Variants in SRCIN1 observed in about 807,000 individuals in gnomAD.
The protein encoded by SRCIN1 is P130Cas-associated protein.
In SRCIN1, 50 loss-of-function variants were observed where a neutral mutation model predicts 116.2. That is an observed-to-expected ratio of 0.43 (90% CI 0.34 to 0.54). The LOEUF is 0.54. Ranked by LOEUF, SRCIN1 falls within the 20% of genes least tolerant of loss-of-function variation. SRCIN1 has a pLI of 0.02. For synonymous variants in SRCIN1, 736 were observed against 750.0 expected (o/e 0.98, Z 0.30); for missense variants, 1,446 against 1,672.0 (o/e 0.86, Z 2.36).
intron 1 of SRCIN1, 109 bp from the exon 2 acceptor site, chr17:38,578,900 G>T: frequency 7.9e-7 from 1 of 1,268,050 alleles, no homozygotes; most frequent in Non-Finnish European, 1.0e-6. Flanking sequence ...CCTAAGGAGA[G>T]TGGAGAGGCG....
rs1014804043 is a variant in SRCIN1 at position 38,549,264 on chromosome 17, C to T, written c.2963-54G>A. 20 of 1,456,998 alleles carry T rather than the reference C, an allele frequency of 1.4e-5. No homozygotes were observed. The African/African-American group carries it at 2.4e-4, about 18-fold the overall frequency. 90.3% of individuals were successfully genotyped at this position (1,456,998 alleles called of 1,614,324 possible). ...CAGGCCTGCAACCTTGGAGTCAGTG[C>T]ACTACATCTAACTTGAAGGGGATAA... is the stretch of plus-strand genomic sequence containing the variant. On this transcript the variant is annotated intron_variant, in intron 15 of 18. Transcript: ENST00000617146.
At chr17:38,606,191 C>T (rs1463684803), upstream of SRCIN1, among the ~76,000 whole-genome samples, 1 of 151,748 alleles carries the variant, frequency 6.6e-6, no homozygotes, top group Non-Finnish European at 1.5e-5. This position sits in a 1 kb window ranked among gnomAD's most constrained non-coding sequence, Gnocchi z 5.2. Flanking sequence ...TCGTCCCACC[C>T]CAAGTAGTCT....
chr17:38,586,131 G>A (rs1908099857), intron 1 of SRCIN1, among the ~76,000 whole-genome samples: 1 of 152,216 alleles, frequency 6.6e-6, no homozygotes, highest in Admixed American at 6.5e-5. Context: ...GAGATGGCTA[G>A]AAAATAAAGA....
intron 1 of SRCIN1, among the ~76,000 whole-genome samples, chr17:38,582,841 C>G (rs1907898560): frequency 6.6e-6 from 1 of 152,102 alleles, no homozygotes; most frequent in East Asian, 1.9e-4. Context: ...TTCTGCAGGG[C>G]CCCAGCTGAG....
At chr17:38,549,327 G>A in intron 15 of SRCIN1, 117 bp from the exon 16 acceptor site, 1 of 1,059,954 alleles carries the variant, frequency 9.4e-7, no homozygotes, top group Non-Finnish European at 1.3e-6. Context: ...AGGAGGAGGT[G>A]AGAGGAAAGC....
chr17:38,554,136 A>G (rs1478117584), intron 11 of SRCIN1, among the ~76,000 whole-genome samples: 3 of 151,842 alleles, frequency 2.0e-5, no homozygotes, highest in Admixed American at 2.0e-4. Context: ...GCTTGAACCC[A>G]GGAGGCGGAG....
intron 18 of SRCIN1, among the ~76,000 whole-genome samples, chr17:38,536,062 C>T (rs936199547): frequency 3.3e-5 from 5 of 152,240 alleles, no homozygotes; most frequent in African/African-American, 9.6e-5. Flanking sequence ...CCCTTCTCCC[C>T]CCAACAGCCA....
chr17:38,580,924 C>T (rs1046235711), intron 1 of SRCIN1, among the ~76,000 whole-genome samples: 3 of 152,212 alleles, frequency 2.0e-5, no homozygotes, highest in Non-Finnish European at 4.4e-5. Flanking sequence ...CAGCCTCAAG[C>T]TCCTGGGCTC....
chr17:38,571,164 C>G (rs2429987), intron 2 of SRCIN1, among the ~76,000 whole-genome samples: 54,372 of 151,986 alleles, frequency 0.36, 14,049 homozygotes, highest in African/African-American at 0.74. Context: ...GACAGACTAG[C>G]GTGACTGAGA....
intron 15 of SRCIN1, 140 bp from the exon 16 acceptor site, chr17:38,549,350 ACACAGGGCCC>A (rs1905254878): frequency 1.3e-6 from 1 of 785,570 alleles, no homozygotes; most frequent in African/African-American, 1.8e-5. Flanking sequence ...GGGGGCAAGA[ACACAGGGCCC>A]CTCCTTCTCT....
At chr17:38,596,750 C>G (rs1908751671) in intron 1 of SRCIN1, among the ~76,000 whole-genome samples, 1 of 151,996 alleles carries the variant, frequency 6.6e-6, no homozygotes, top group Non-Finnish European at 1.5e-5. Context: ...GACAGGCATT[C>G]CCCACCCAAA....
At chr17:38,550,250 T>C (rs1905296530) in intron 15 of SRCIN1, among the ~76,000 whole-genome samples, 1 of 152,188 alleles carries the variant, frequency 6.6e-6, no homozygotes, top group Admixed American at 6.5e-5. Context: ...ATCCCAGCAC[T>C]TTGGGAGGCC....
rs201979144 is a variant in SRCIN1, at chr17:38,548,584, G to A, written c.3243C>T (p.Asp1081=). Residue 1081 remains aspartate, a synonymous_variant, in exon 17 of 19, where the codon GAC becomes GAT. Transcript: ENST00000617146. ...CTAGCTCTGCGATGATGCGATCCTC[G>A]TCATCCTCGTCCTTGATGGCCGAGG... ...IMASAIKDED[D]EDRIIAELES... The A allele has an allele frequency of 6.4e-4, 1,038 of 1,612,506 alleles. 9 individuals carry two copies. In the African/African-American group the frequency reaches 0.012, roughly 19 times the overall value.
At position 38,558,543 on chromosome 17, in the gene SRCIN1, G is replaced by C. The variant is rs535649644; in HGVS notation, c.2026-141C>G. The stretch of plus-strand genomic sequence containing the variant: ...GAAGCGGCTGCTTGGCTCCGCCTCA[G>C]GCAGCAGCGAAGGGGTGGGATGGCG... On this transcript the variant is annotated intron_variant, in intron 10 of 18. Coordinates refer to ENST00000617146, the MANE Select transcript of SRCIN1 (RefSeq NM_025248.3). This position sits in a 1 kb window ranked among gnomAD's most constrained non-coding sequence, Gnocchi z 4.6. 1 of 974,990 alleles carries C rather than the reference G, an allele frequency of 1.0e-6. No individual in the cohort carries two copies. Among genetic ancestry groups the C allele is most frequent in the South Asian group, 1.7e-5 (1 of 59,388 alleles). The allele number at this position is 974,990 out of a possible 1,614,324, so 60.4% of individuals were successfully genotyped here.
In SRCIN1 at chr17:38,563,495, C is replaced by T; in HGVS notation, c.568G>A (p.Glu190Lys). The T allele has an allele frequency of 6.4e-7, 1 of 1,552,554 alleles. No individual in the cohort carries two copies. The highest frequency in any genetic ancestry group is 8.7e-7 in the Non-Finnish European group (1 of 1,147,904). ...PGVLFLQFGE[E>K]TRRVHITHEV... ...TGCGTGATGTGCACGCGCCGAGTCT[C>T]CTCCCCGAACTGCAGGAACAGCACC... Residue 190 changes from glutamate to lysine, a missense_variant, in exon 5 of 19, where the codon GAG becomes AAG. Coordinates refer to ENST00000617146, the MANE Select transcript of SRCIN1 (RefSeq NM_025248.3). This position sits in a 1 kb window ranked among gnomAD's most constrained non-coding sequence, Gnocchi z 5.8.
At chr17:38,600,607 G>A (rs1908964640) in intron 1 of SRCIN1, among the ~76,000 whole-genome samples, 1 of 152,234 alleles carries the variant, frequency 6.6e-6, no homozygotes. Flanking sequence ...GGGAGGTGAA[G>A]CCGGAGGAGG....
chr17:38,587,867 C>A (rs1908205150), intron 1 of SRCIN1, among the ~76,000 whole-genome samples: 1 of 152,108 alleles, frequency 6.6e-6, no homozygotes, highest in Non-Finnish European at 1.5e-5. Context: ...CCCATCCTTG[C>A]AAAATGTGCA....
At chr17:38,592,694 T>A (rs1908505413) in intron 1 of SRCIN1, among the ~76,000 whole-genome samples, 1 of 152,196 alleles carries the variant, frequency 6.6e-6, no homozygotes, top group Non-Finnish European at 1.5e-5. Flanking sequence ...ACATGTGTCA[T>A]CATGTAGTCA....
At chr17:38,564,060 G>T (rs1158735565) in intron 4 of SRCIN1, 58 bp downstream of exon 4, 27 of 1,531,494 alleles carry the variant, frequency 1.8e-5, no homozygotes, top group Non-Finnish European at 2.4e-5. Flanking sequence ...GCTCCAGGGA[G>T]TGAAGAGCAG....
Sources: allele counts gnomAD v4.1 joint callset (sites outside exome capture counted in the v4.1 genomes callset), GRCh38; gene constraint gnomAD v4.1.1; non-coding constraint Gnocchi (gnomAD v3.1); transcripts MANE v1.5; gene names NCBI Gene and HGNC (gene_info 2026-07-23, HGNC 2026-07-21).